The following ERBB4 variants were observed in gnomAD, a reference collection of about 807,000 sequenced individuals.
ERBB4 encodes erb-b2 receptor tyrosine kinase 4, also known as receptor tyrosine-protein kinase erbB-4.
ERBB4 carries 42 observed loss-of-function variants against 158.0 expected under a neutral mutation model. That is an observed-to-expected ratio of 0.27 (90% CI 0.21 to 0.34). The LOEUF (loss-of-function observed/expected upper bound fraction) is 0.34. Ranked by LOEUF, ERBB4 falls within the 10% of genes least tolerant of loss-of-function variation. ERBB4 has a pLI of 1.00. For missense variants in ERBB4, 1,333 were observed against 1,624.1 expected (o/e 0.82, Z 3.08); for synonymous variants, 583 against 558.7 (o/e 1.04, Z -0.61).
intron 20 of ERBB4, among the ~76,000 whole-genome samples, chr2:211,531,575 T>C (rs1398205835): frequency 6.6e-6 from 1 of 152,086 alleles, no homozygotes; most frequent in East Asian, 1.9e-4. Flanking sequence ...ACATCATTGA[T>C]CAACAGAGAA....
At chr2:211,992,064 C>T (rs1301883067) in intron 2 of ERBB4, among the ~76,000 whole-genome samples, 2 of 152,276 alleles carry the variant, frequency 1.3e-5, no homozygotes, top group Non-Finnish European at 2.9e-5. Context: ...CTGTTCCAAC[C>T]TCTGCCTGTT....
At chr2:212,402,742 G>T (rs543088605) in intron 1 of ERBB4, among the ~76,000 whole-genome samples, 1 of 151,934 alleles carries the variant, frequency 6.6e-6, no homozygotes, top group African/African-American at 2.4e-5. Context: ...AAATACAGGG[G>T]TTTGTAAATT....
intron 16 of ERBB4, among the ~76,000 whole-genome samples, chr2:211,642,699 T>C (rs951855464): frequency 9.2e-5 from 14 of 152,146 alleles, no homozygotes; most frequent in African/African-American, 2.9e-4. Context: ...AAAGAAGTAC[T>C]AAATAGCTGT....
At chr2:211,399,746 T>C (rs1328661461) in intron 25 of ERBB4, among the ~76,000 whole-genome samples, 1 of 152,192 alleles carries the variant, frequency 6.6e-6, no homozygotes, top group Admixed American at 6.5e-5. Flanking sequence ...TATGACAACA[T>C]TCCCCTAAGA....
At chr2:211,977,531 TAA>T (rs370595284) in intron 2 of ERBB4, among the ~76,000 whole-genome samples, 6 of 67,620 alleles carry the variant, frequency 8.9e-5, no homozygotes, top group South Asian at 8.0e-4. Flanking sequence ...ATATTGACTT[TAA>T]AAAAAAAAAA....
chr2:212,520,226 T>C (rs1028776448), intron 1 of ERBB4, among the ~76,000 whole-genome samples: 1 of 151,922 alleles, frequency 6.6e-6, no homozygotes, highest in African/African-American at 2.4e-5. Context: ...GGAAAATCAG[T>C]TGTATTGATT....
chr2:212,275,031 T>C (rs150712465), intron 1 of ERBB4, among the ~76,000 whole-genome samples: 4,353 of 152,074 alleles, frequency 0.029, 202 homozygotes, highest in African/African-American at 0.1. Context: ...TGTTTGGTTT[T>C]CTGTTCCCTT....
At chr2:212,365,057 A>G (rs1254899347) in intron 1 of ERBB4, among the ~76,000 whole-genome samples, 3 of 151,714 alleles carry the variant, frequency 2.0e-5, no homozygotes, top group Non-Finnish European at 2.9e-5. Flanking sequence ...AAATATTTAT[A>G]AAAATTTCTG....
intron 2 of ERBB4, among the ~76,000 whole-genome samples, chr2:212,009,342 G>A (rs1171325316): frequency 2.6e-5 from 4 of 151,796 alleles, no homozygotes; most frequent in South Asian, 2.1e-4. Context: ...AATACTCAGA[G>A]AAGAAAACCA....
In ERBB4 at chr2:211,619,284, A is replaced by G; in HGVS notation, c.2203-9T>C. The G allele has an allele frequency of 6.7e-7, 1 of 1,502,704 alleles. No homozygotes were observed. Among genetic ancestry groups the G allele is most frequent in the East Asian group, 2.3e-5 (1 of 44,284 alleles). The allele number at this position is 1,502,704 out of a possible 1,614,324, so 93.1% of individuals were successfully genotyped here. ...TCAGGTACCCAAATACCCTTTGGGG[A>G]AAAAAATTTACATTAAATATGACAT... On this transcript the variant is annotated splice_polypyrimidine_tract_variant and intron_variant, in intron 18 of 27. Coordinates refer to ENST00000342788, the MANE Select transcript of ERBB4 (RefSeq NM_005235.3).
chr2:211,387,399 CAT>C (rs1191887604), intron 26 of ERBB4, among the ~76,000 whole-genome samples: 1 of 152,030 alleles, frequency 6.6e-6, no homozygotes, highest in Non-Finnish European at 1.5e-5. Flanking sequence ...CCAACTGAAA[CAT>C]ATTCTAATAA....
intron 4 of ERBB4, among the ~76,000 whole-genome samples, chr2:211,776,405 G>A (rs914472966): frequency 1.3e-5 from 2 of 152,144 alleles, no homozygotes; most frequent in African/African-American, 4.8e-5. Context: ...ATAGGGGTGT[G>A]GTTGAGCAAA....
intron 2 of ERBB4, among the ~76,000 whole-genome samples, chr2:212,107,807 T>A (rs182214444): frequency 1.3e-5 from 2 of 152,308 alleles, no homozygotes; most frequent in Admixed American, 6.5e-5. Flanking sequence ...TCTCAAGAGA[T>A]CTGATAGTTT....
At chr2:212,152,138 A>G (rs1306336162) in intron 1 of ERBB4, among the ~76,000 whole-genome samples, 1 of 152,120 alleles carries the variant, frequency 6.6e-6, no homozygotes, top group African/African-American at 2.4e-5. Context: ...ATCTGTTTAG[A>G]ATTCTCAGTT....
chr2:212,421,960 T>G (rs527522017), intron 1 of ERBB4, among the ~76,000 whole-genome samples: 5 of 152,250 alleles, frequency 3.3e-5, no homozygotes, highest in African/African-American at 9.6e-5. Flanking sequence ...TAAGAAGATA[T>G]CTAACGAACA....
chr2:212,471,746 G>A (rs1158973289), intron 1 of ERBB4, among the ~76,000 whole-genome samples: 1 of 151,802 alleles, frequency 6.6e-6, no homozygotes, highest in African/African-American at 2.4e-5. Flanking sequence ...GTTACATTTT[G>A]CATATGTAAA....
chr2:211,458,285 T>G (rs1041329273), intron 20 of ERBB4, among the ~76,000 whole-genome samples: 35 of 151,564 alleles, frequency 2.3e-4, no homozygotes, highest in Non-Finnish European at 1.5e-5. Context: ...TTTTTTTTTT[T>G]GAGACAATGT....
chr2:212,171,108 T>G (rs1253198458), intron 1 of ERBB4, among the ~76,000 whole-genome samples: 1 of 151,958 alleles, frequency 6.6e-6, no homozygotes, highest in East Asian at 1.9e-4. Flanking sequence ...GCTGCCCAAT[T>G]TCATGGAAGC....
At chr2:212,100,611 A>AAAAT (rs1248787508) in intron 2 of ERBB4, among the ~76,000 whole-genome samples, 1 of 152,170 alleles carries the variant, frequency 6.6e-6, no homozygotes. Flanking sequence ...ACAGGATACA[A>AAAAT]AAATAAATAA....
Sources: gnomAD v4.1 joint callset for allele counts (sites outside exome capture counted in the v4.1 genomes callset) on GRCh38, gnomAD v4.1.1 for gene constraint, MANE v1.5 for transcripts, NCBI Gene and HGNC (gene_info 2026-07-23, HGNC 2026-07-21) for gene names.